Variants in EPSTI1 observed in about 807,000 individuals in gnomAD.
EPSTI1 encodes the protein epithelial stromal interaction 1, also known as epithelial-stromal interaction protein 1.
In EPSTI1, 66 loss-of-function variants were observed where a neutral mutation model predicts 49.9. The observed-to-expected ratio is 1.32, with a 90% CI of 1.08 to 1.62. The LOEUF is 1.62. Among genes scored for constraint, EPSTI1 ranks in the 40% most tolerant of loss-of-function variants. The pLI, the probability that EPSTI1 is intolerant of heterozygous loss-of-function variation, is 0.00. For synonymous variants in EPSTI1, 137 were observed against 130.7 expected, an observed-to-expected ratio of 1.05 and a Z score of -0.33; for missense variants, 394 against 365.5, an observed-to-expected ratio of 1.08 and a Z score of -0.64.
At chr13:42,954,125 G>T in intron 5 of EPSTI1, 104 bp from the exon 6 acceptor site, 1 of 889,162 alleles carries the variant, frequency 1.1e-6, no homozygotes, top group Non-Finnish European at 1.7e-6. Context: ...AACTGGCCTT[G>T]ATAGTCTAAT....
At chr13:42,889,130 G>C in intron 10 of EPSTI1, 5 of 1,126,488 alleles carry the variant, frequency 4.4e-6, no homozygotes, top group Non-Finnish European at 1.3e-6. Context: ...ATAGGATTTA[G>C]AGTTTCCACA....
intron 9 of EPSTI1, among the ~76,000 whole-genome samples, chr13:42,897,478 T>C (rs570653422): frequency 2.0e-5 from 3 of 152,320 alleles, no homozygotes; most frequent in African/African-American, 7.2e-5. Context: ...ACACAGCCTT[T>C]ATGGAGTGTA....
intron 1 of EPSTI1, among the ~76,000 whole-genome samples, chr13:42,980,238 C>T (rs115223607): frequency 1.2e-3 from 177 of 151,878 alleles, no homozygotes; most frequent in African/African-American, 4.0e-3. Context: ...AAACAAGATC[C>T]GTCTATATGA....
At chr13:42,978,604 C>T (rs1326549937) in intron 1 of EPSTI1, among the ~76,000 whole-genome samples, 1 of 152,126 alleles carries the variant, frequency 6.6e-6, no homozygotes, top group African/African-American at 2.4e-5. Flanking sequence ...GTTCTGAGAA[C>T]AATGCCAGAA....
intron 7 of EPSTI1, chr13:42,919,291 T>C (rs199887673): frequency 6.2e-7 from 1 of 1,613,478 alleles, no homozygotes; most frequent in Non-Finnish European, 8.5e-7. Flanking sequence ...AATCCTAATG[T>C]TTGCTTACCC....
intron 6 of EPSTI1, among the ~76,000 whole-genome samples, chr13:42,947,286 G>A (rs2038945465): frequency 9.2e-6 from 1 of 108,500 alleles, no homozygotes; most frequent in South Asian, 3.2e-4. Flanking sequence ...ACATCTAGAA[G>A]AAAGCCCAGA....
intron 5 of EPSTI1, among the ~76,000 whole-genome samples, chr13:42,956,751 T>C (rs140901113): frequency 4.6e-5 from 7 of 152,236 alleles, no homozygotes; most frequent in African/African-American, 1.4e-4. Context: ...CTTAACGTTT[T>C]TAATATACAA....
intron 8 of EPSTI1, among the ~76,000 whole-genome samples, chr13:42,910,837 G>C (rs1051608448): frequency 3.3e-5 from 5 of 152,226 alleles, no homozygotes; most frequent in Middle Eastern, 6.8e-3. Flanking sequence ...AACCAAGTTT[G>C]GTAGGGGTTG....
At chr13:42,989,520 A>C (rs1213419008) in intron 1 of EPSTI1, among the ~76,000 whole-genome samples, 1 of 146,262 alleles carries the variant, frequency 6.8e-6, no homozygotes, top group African/African-American at 2.5e-5. Flanking sequence ...TCACATTATG[A>C]GTGGACAAAT....
At chr13:42,986,455 C>T (rs1050881816) in intron 1 of EPSTI1, among the ~76,000 whole-genome samples, 3 of 151,978 alleles carry the variant, frequency 2.0e-5, no homozygotes, top group Non-Finnish European at 4.4e-5. Flanking sequence ...TTAAAACTTT[C>T]AACCCCTGGC....
intron 1 of EPSTI1, among the ~76,000 whole-genome samples, 191 bp from the exon 2 acceptor site, chr13:42,970,861 A>G (rs1034958210): frequency 2.0e-5 from 3 of 152,240 alleles, no homozygotes; most frequent in African/African-American, 7.2e-5. Context: ...AAGTAAAACA[A>G]AGGACATGGC....
At chr13:42,981,158 G>C (rs1437073413) in intron 1 of EPSTI1, among the ~76,000 whole-genome samples, 1 of 152,080 alleles carries the variant, frequency 6.6e-6, no homozygotes, top group Non-Finnish European at 1.5e-5. Flanking sequence ...ACAGAACAAA[G>C]GAACCATCAT....
intron 1 of EPSTI1, among the ~76,000 whole-genome samples, chr13:42,976,682 G>A (rs1240417164): frequency 6.6e-6 from 1 of 152,062 alleles, no homozygotes; most frequent in Non-Finnish European, 1.5e-5. Flanking sequence ...ACATAGTGAT[G>A]TACTCCAAAA....
chr13:42,974,093 TG>T (rs1429451534), intron 1 of EPSTI1, among the ~76,000 whole-genome samples: 3 of 152,082 alleles, frequency 2.0e-5, no homozygotes, highest in African/African-American at 2.4e-5. Flanking sequence ...CTCAGCACTT[TG>T]GGGGGCTGAG....
intron 6 of EPSTI1, among the ~76,000 whole-genome samples, chr13:42,947,614 T>C (rs376518119): frequency 6.6e-6 from 1 of 152,218 alleles, no homozygotes; most frequent in Non-Finnish European, 1.5e-5. Flanking sequence ...ATGACTCTTT[T>C]ATCATAATTT....
At chr13:42,925,646 G>A (rs1477528177) in intron 7 of EPSTI1, among the ~76,000 whole-genome samples, 1 of 152,136 alleles carries the variant, frequency 6.6e-6, no homozygotes, top group Non-Finnish European at 1.5e-5. Context: ...TCACTTTTCT[G>A]CACTGCAGCT....
chr13:42,901,844 C>T (rs962907812), intron 8 of EPSTI1, among the ~76,000 whole-genome samples: 3 of 151,960 alleles, frequency 2.0e-5, no homozygotes, highest in Admixed American at 6.6e-5. Context: ...TATACATGTG[C>T]CATGCTGGTG....
chr13:42,916,793 C>T (rs532403091), intron 8 of EPSTI1, among the ~76,000 whole-genome samples: 83 of 152,292 alleles, frequency 5.5e-4, no homozygotes, highest in Admixed American at 9.2e-4. Context: ...TGGAGCCCCA[C>T]CCCACTCCCT....
At chr13:42,983,097 T>C (rs544746765) in intron 1 of EPSTI1, among the ~76,000 whole-genome samples, 1 of 152,350 alleles carries the variant, frequency 6.6e-6, no homozygotes, top group African/African-American at 2.4e-5. Flanking sequence ...GTTAAATGAA[T>C]GGGTATGCTT....
Sources: allele counts gnomAD v4.1 joint callset (sites outside exome capture counted in the v4.1 genomes callset), GRCh38; gene constraint gnomAD v4.1.1; transcripts MANE v1.5; gene names NCBI Gene and HGNC (gene_info 2026-07-23, HGNC 2026-07-21).